GTF3C1: variants seen among roughly 807,000 people sequenced by gnomAD.
GTF3C1 encodes the protein general transcription factor IIIC subunit 1, also known as general transcription factor 3C polypeptide 1.
GTF3C1 carries 57 observed loss-of-function variants against 226.7 expected under a neutral mutation model. That is an observed-to-expected ratio of 0.25 (90% CI 0.20 to 0.31). GTF3C1 has a LOEUF of 0.31. Among genes scored for constraint, GTF3C1 ranks in the 10% least tolerant of loss-of-function variants. The pLI, the probability that GTF3C1 is intolerant of heterozygous loss-of-function variation, is 1.00. For synonymous variants in GTF3C1, 1,090 were observed against 1,084.8 expected, an observed-to-expected ratio of 1.00 and a Z score of -0.09; for missense variants, 2,217 against 2,776.1, an observed-to-expected ratio of 0.80 and a Z score of 4.53.
chr16:27,538,921 A>G (rs1432263640), intron 2 of GTF3C1, among the ~76,000 whole-genome samples: 4 of 148,124 alleles, frequency 2.7e-5, no homozygotes, highest in African/African-American at 1.0e-4. Flanking sequence ...CCATTTCCAT[A>G]TTCTTCATAG....
chr16:27,542,779 A>G (rs1464305987), intron 2 of GTF3C1, among the ~76,000 whole-genome samples: 1 of 152,162 alleles, frequency 6.6e-6, no homozygotes, highest in Admixed American at 6.5e-5. Flanking sequence ...CCCTCTGCAC[A>G]TGTTCACTGT....
chr16:27,486,474 A>AT (rs2088140586), intron 23 of GTF3C1, among the ~76,000 whole-genome samples: 1 of 152,288 alleles, frequency 6.6e-6, no homozygotes, highest in South Asian at 2.1e-4. Flanking sequence ...CTTTGAAGGC[A>AT]TCTTGTACAG....
In GTF3C1 at chr16:27,494,783, T is replaced by C; in HGVS notation, c.2758A>G (p.Ile920Val). The C allele has an allele frequency of 6.2e-7, 1 of 1,613,136 alleles. No individual in the cohort carries two copies. The highest frequency in any genetic ancestry group is 8.5e-7 in the Non-Finnish European group (1 of 1,179,130). The part of the protein sequence containing the change: ...LCLPLSIFIQ[I>V]VQVSYKVDNL... ...AATACCTTGTAGCTGACTTGCACAA[T>C]CTGGATGAAGATGGAGAGGGGAAGG... The change falls in exon 16 of 37, where the codon ATT (isoleucine) becomes GTT (valine). Residue 920 changes from isoleucine to valine, a missense_variant. By Grantham distance (29) the Ile-to-Val change is conservative (BLOSUM62 3). Coordinates refer to ENST00000356183, the MANE Select transcript of GTF3C1 (RefSeq NM_001520.4).
intron 29 of GTF3C1, 29 bp downstream of exon 29, chr16:27,476,422 C>CGCTGTGCT (rs763575945): frequency 8.4e-6 from 12 of 1,425,786 alleles, no homozygotes; most frequent in South Asian, 8.1e-5. Flanking sequence ...CCCACATCCC[C>CGCTGTGCT]GCTGTGCTGC....
At position 27,499,162 on chromosome 16, in the gene GTF3C1, C is replaced by T. The variant is rs115078603; in HGVS notation, c.2062-429G>A. 5.3e-3 allele frequency among the ~76,000 whole-genome samples: 811 copies of T among 152,372 alleles called. 11 individuals are homozygous for T. Among genetic ancestry groups the T allele is most frequent in the African/African-American group, 0.019 (776 of 41,594 alleles). ...GAAAAGGTAAGCAGCTTTCATTAAT[C>T]TACCCTTGCTGAGAGTGGCGTCATG... On this transcript the variant is annotated intron_variant, in intron 12 of 36. Transcript: ENST00000356183.
intron 32 of GTF3C1, among the ~76,000 whole-genome samples, chr16:27,468,222 T>C (rs1439536867): frequency 2.6e-5 from 4 of 152,210 alleles, no homozygotes; most frequent in Admixed American, 6.5e-5. Flanking sequence ...TTGCTTCTTA[T>C]AGATGAGCAA....
chr16:27,495,099 G>A, intron 15 of GTF3C1, 112 bp downstream of exon 15: 1 of 894,262 alleles, frequency 1.1e-6, no homozygotes, highest in African/African-American at 1.7e-5. Context: ...GTTTCCATTT[G>A]GATCAGAGGC....
chr16:27,511,306 C>T (rs1461543612), intron 7 of GTF3C1, among the ~76,000 whole-genome samples: 3 of 152,250 alleles, frequency 2.0e-5, no homozygotes, highest in East Asian at 3.8e-4. Flanking sequence ...ATCAGAACTC[C>T]AGGCTCTCCA....
At chr16:27,502,735 G>T in intron 11 of GTF3C1, 124 bp downstream of exon 11, 1 of 993,776 alleles carries the variant, frequency 1.0e-6, no homozygotes, top group Non-Finnish European at 1.5e-6. Context: ...AACGAGATGA[G>T]AATCTACACA....
At position 27,464,497 on chromosome 16, in the gene GTF3C1, G is replaced by T; in HGVS notation, c.5695C>A (p.Pro1899Thr). 4 of 1,532,306 alleles carry T rather than the reference G, an allele frequency of 2.6e-6. No homozygotes were observed. The highest frequency in any genetic ancestry group is 3.5e-6 in the Non-Finnish European group (4 of 1,142,980). 94.9% of individuals were successfully genotyped at this position (1,532,306 alleles called of 1,614,324 possible). A position where few individuals can be genotyped will look rare whatever the true frequency, so the allele number is the denominator to read the frequency against. Residue 1899 changes from proline (P) to threonine (T), a missense_variant, in exon 34 of 37, where the codon CCC becomes ACC. Physicochemically the swap from Pro to Thr is conservative, Grantham distance 38. Around this residue, in one of 12 missense-constraint regions of GTF3C1, gnomAD observed 455 missense variants for 441.9 expected, o/e 1.03. Transcript: ENST00000356183. Reference sequence around the variant, plus strand: ...GCTTCTGCCCCATCTTCAGCTCCGGGCCCAAGGCTGGGGGCCAAATTTGAG... The same window carrying T: ...GCTTCTGCCCCATCTTCAGCTCCGGTCCCAAGGCTGGGGGCCAAATTTGAG... ...QDSNLAPSLG[P>T]GAEDGAEAQA... is the part of the protein sequence containing the mutation.
At position 27,495,384 on chromosome 16, in the gene GTF3C1, A is replaced by C; in HGVS notation, c.2459T>G (p.Val820Gly). The change falls in exon 15 of 37, where the codon GTG becomes GGG. Residue 820 changes from valine (V) to glycine (G), a missense_variant. This residue lies in a region of GTF3C1 where 353 missense variants were observed against 411.7 expected (regional missense o/e 0.86). Coordinates refer to ENST00000356183, the MANE Select transcript of GTF3C1 (RefSeq NM_001520.4). ...LIYGHPASNT[V>G]EKPSFISERR... ...TTCACTGATGAAGCTTGGCTTCTCC[A>C]CGGTGTTGCTGGCAGGGTGCCCGTA... 6.2e-7 allele frequency: 1 copy of C among 1,614,118 alleles called. No homozygotes were observed. The highest frequency in any genetic ancestry group is 8.5e-7 in the Non-Finnish European group (1 of 1,179,966).
chr16:27,487,258 T>G (rs559933044), intron 23 of GTF3C1, among the ~76,000 whole-genome samples: 4 of 152,374 alleles, frequency 2.6e-5, no homozygotes, highest in African/African-American at 9.6e-5. Flanking sequence ...CTATTTGTTA[T>G]GAACGCCAGC....
Position 27,549,762 on chromosome 16 carries a change from C to T in GTF3C1, c.129G>A (p.Thr43=). 6.2e-7 allele frequency: 1 copy of T among 1,612,752 alleles called. No individual in the cohort carries two copies. The highest frequency in any genetic ancestry group is 8.5e-7 in the Non-Finnish European group (1 of 1,179,794). The stretch of plus-strand genomic sequence containing the variant: ...CGAGGGCCCGCCAGAGAAACTCCTG[C>T]GTGCAGGGTTCCAAAGGCAGCGGGA... The part of the protein sequence containing the change: ...PPFPLPLEPC[T]QEFLWRALAT... Residue 43 remains threonine, a synonymous_variant, in exon 1 of 37, where the codon ACG becomes ACA. Coordinates refer to ENST00000356183, the MANE Select transcript of GTF3C1 (RefSeq NM_001520.4).
At chr16:27,477,392 C>T (rs919690973) in intron 28 of GTF3C1, among the ~76,000 whole-genome samples, 33 of 152,166 alleles carry the variant, frequency 2.2e-4, no homozygotes, top group African/African-American at 7.2e-4. Context: ...CTGCAACCTC[C>T]GTTTCCCAGG....
At position 27,470,505 on chromosome 16, in the gene GTF3C1, C is replaced by A. The variant is rs184161257; in HGVS notation, c.4527-110G>T. 6 of 814,962 alleles carry A rather than the reference C, an allele frequency of 7.4e-6. No individual in the cohort carries two copies. The highest frequency in any genetic ancestry group is 1.2e-5 in the Non-Finnish European group (6 of 500,960). The allele number at this position is 814,962 out of a possible 1,614,324, so 50.5% of individuals were successfully genotyped here. A position where few individuals can be genotyped will look rare whatever the true frequency, so the allele number is the denominator to read the frequency against. ...ATTATGGTGAGAACTAAGCAAAACG[C>A]CCCACTTCTTCCCTAAAGCTCTCTG... On this transcript the variant is annotated intron_variant, in intron 30 of 36. Coordinates refer to ENST00000356183, the MANE Select transcript of GTF3C1 (RefSeq NM_001520.4). The surrounding 1 kb of genome is among the most constrained non-coding windows in gnomAD (Gnocchi z 4.9).
chr16:27,505,487 C>T (rs1297300775), intron 10 of GTF3C1, among the ~76,000 whole-genome samples: 2 of 152,224 alleles, frequency 1.3e-5, no homozygotes, highest in Non-Finnish European at 2.9e-5. Flanking sequence ...GCACTGAGAA[C>T]TGTCTCCAGA....
At chr16:27,468,149 G>A (rs1458140208) in intron 32 of GTF3C1, among the ~76,000 whole-genome samples, 1 of 152,206 alleles carries the variant, frequency 6.6e-6, no homozygotes, top group Non-Finnish European at 1.5e-5. Flanking sequence ...AGAACTAGAG[G>A]TAGAGTCTGA....
rs1300427978 is a variant in GTF3C1 at position 27,507,419 on chromosome 16, A to G, written c.1243-263T>C. Among the ~76,000 whole-genome samples, 2 of 152,216 alleles carry G rather than the reference A, an allele frequency of 1.3e-5. No individual in the cohort carries two copies. Among genetic ancestry groups the G allele is most frequent in the Non-Finnish European group, 2.9e-5 (2 of 68,026 alleles). On this transcript the variant is annotated intron_variant, in intron 8 of 36. Coordinates refer to ENST00000356183, the MANE Select transcript of GTF3C1 (RefSeq NM_001520.4). The surrounding 1 kb of genome is among the most constrained non-coding windows in gnomAD (Gnocchi z 4.9). Reference sequence around the variant, plus strand: ...CTATGAGGCTATGAGCTTCTCAGGGACAGGGCTCTGACTTAACCTTCCATA... The same window carrying G: ...CTATGAGGCTATGAGCTTCTCAGGGGCAGGGCTCTGACTTAACCTTCCATA...
intron 23 of GTF3C1, among the ~76,000 whole-genome samples, chr16:27,486,528 G>A (rs918162706): frequency 8.5e-5 from 13 of 152,286 alleles, no homozygotes; most frequent in South Asian, 2.1e-4. Context: ...GAGTGAGCAG[G>A]ACCAGGGACT....
Sources: allele counts gnomAD v4.1 joint callset (sites outside exome capture counted in the v4.1 genomes callset), GRCh38; gene constraint gnomAD v4.1.1; regional missense constraint gnomAD v4.1.1; non-coding constraint Gnocchi (gnomAD v3.1); transcripts MANE v1.5; gene names NCBI Gene and HGNC (gene_info 2026-07-23, HGNC 2026-07-21).